Variants in REDIC1 observed in about 807,000 individuals in gnomAD.
The protein encoded by REDIC1 is HEI10 Interacting Protein 1.
chr12:39,643,517 A>C, the REDIC1 span, among the ~76,000 whole-genome samples: 11 of 151,650 alleles, frequency 7.3e-5, no homozygotes, highest in Non-Finnish European at 1.2e-4. Flanking sequence ...ATAATTTCTA[A>C]TCTTTTGATT....
chr12:39,785,259 G>A, the REDIC1 span, among the ~76,000 whole-genome samples: 535 of 152,262 alleles, frequency 3.5e-3, 4 homozygotes, highest in African/African-American at 0.012. Context: ...GCAGCCTAGA[G>A]ACTTGGTGCC....
the REDIC1 span, among the ~76,000 whole-genome samples, chr12:39,815,308 T>C: frequency 2.0e-5 from 3 of 152,190 alleles, no homozygotes; most frequent in Non-Finnish European, 4.4e-5. Flanking sequence ...CTGTACTGGA[T>C]ATGGTGATGG....
At chr12:39,640,669 A>AT in the REDIC1 span, among the ~76,000 whole-genome samples, 45 of 150,280 alleles carry the variant, frequency 3.0e-4, no homozygotes, top group Admixed American at 1.3e-3. Flanking sequence ...TTTCCAATGC[A>AT]TTTTTTTTTG....
At chr12:39,671,743 G>A in the REDIC1 span, among the ~76,000 whole-genome samples, 1 of 152,134 alleles carries the variant, frequency 6.6e-6, no homozygotes, top group Non-Finnish European at 1.5e-5. Flanking sequence ...AGTGGTGGTA[G>A]CAGCAGGCTG....
the REDIC1 span, among the ~76,000 whole-genome samples, chr12:39,691,854 T>C: frequency 2.6e-5 from 4 of 152,172 alleles, no homozygotes; most frequent in Non-Finnish European, 4.4e-5. Flanking sequence ...GCTTGTTGTT[T>C]TTTAACGAAT....
At chr12:39,860,453 A>T in the REDIC1 span, among the ~76,000 whole-genome samples, 14 of 152,190 alleles carry the variant, frequency 9.2e-5, no homozygotes, top group Non-Finnish European at 1.6e-4. Flanking sequence ...ATGTCTATGG[A>T]CTTAATTATC....
At chr12:39,694,544 A>G in the REDIC1 span, among the ~76,000 whole-genome samples, 1 of 152,194 alleles carries the variant, frequency 6.6e-6, no homozygotes, top group Non-Finnish European at 1.5e-5. Context: ...TGGAGGGAAT[A>G]TTTAAACCAG....
At chr12:39,736,671 G>C in the REDIC1 span, 1 of 152,220 alleles carries the variant, frequency 6.6e-6, no homozygotes, top group Non-Finnish European at 1.5e-5. Flanking sequence ...GTCGTAAAAG[G>C]TGATAGAATT....
At chr12:39,859,435 T>C in the REDIC1 span, among the ~76,000 whole-genome samples, 1 of 150,472 alleles carries the variant, frequency 6.6e-6, no homozygotes, top group Non-Finnish European at 1.5e-5. Flanking sequence ...GCCACTGTCC[T>C]GGTGAGGCTG....
At chr12:39,703,489 C>G in the REDIC1 span, among the ~76,000 whole-genome samples, 2 of 150,832 alleles carry the variant, frequency 1.3e-5, no homozygotes, top group Middle Eastern at 3.4e-3. Flanking sequence ...GAATCAATAT[C>G]GTGAAAATGG....
chr12:39,787,733 G>A, the REDIC1 span, among the ~76,000 whole-genome samples: 1 of 152,124 alleles, frequency 6.6e-6, no homozygotes, highest in African/African-American at 2.4e-5. Flanking sequence ...GACAAGATAA[G>A]GTGTCTGTTA....
At chr12:39,666,823 T>A in the REDIC1 span, among the ~76,000 whole-genome samples, 319 of 152,210 alleles carry the variant, frequency 2.1e-3, 1 homozygote, top group Non-Finnish European at 7.8e-4. Flanking sequence ...GAATTTATCC[T>A]TTTCTTCTAG....
At chr12:39,626,331 G>A in the REDIC1 span, 9 of 1,614,122 alleles carry the variant, frequency 5.6e-6, no homozygotes, top group Non-Finnish European at 6.8e-6. Flanking sequence ...CAAAAGATTT[G>A]GGAAGATGAA....
At chr12:39,839,047 G>C in the REDIC1 span, among the ~76,000 whole-genome samples, 2 of 152,032 alleles carry the variant, frequency 1.3e-5, no homozygotes, top group African/African-American at 4.8e-5. Context: ...CTTTATGCAT[G>C]AATTGACACC....
chr12:39,760,239 G>A, the REDIC1 span: 6 of 1,611,872 alleles, frequency 3.7e-6, no homozygotes, highest in South Asian at 4.4e-5. Flanking sequence ...ATCCAGCATA[G>A]AGGAAGAAAG....
chr12:39,826,936 C>T, the REDIC1 span, among the ~76,000 whole-genome samples: 2 of 129,460 alleles, frequency 1.5e-5, no homozygotes, highest in Admixed American at 2.0e-4. Context: ...TCCTTGCCTC[C>T]AATAATTGGT....
chr12:39,765,186 G>A, the REDIC1 span, among the ~76,000 whole-genome samples: 1 of 151,980 alleles, frequency 6.6e-6, no homozygotes, highest in Admixed American at 6.6e-5. Flanking sequence ...AAAAGACCAT[G>A]GCATTTGCAA....
the REDIC1 span, among the ~76,000 whole-genome samples, chr12:39,889,772 T>C: frequency 9.9e-5 from 15 of 152,202 alleles, no homozygotes; most frequent in East Asian, 2.7e-3. Flanking sequence ...CCTCGTGATC[T>C]GCCCGCCTTG....
At chr12:39,749,607 G>T in the REDIC1 span, among the ~76,000 whole-genome samples, 1 of 152,104 alleles carries the variant, frequency 6.6e-6, no homozygotes, top group Non-Finnish European at 1.5e-5. Context: ...GCCTGGCAGA[G>T]ACACAACATA....
Sources: gnomAD v4.1 joint callset for allele counts (sites outside exome capture counted in the v4.1 genomes callset) on GRCh38, gnomAD v4.1.1 for gene constraint, MANE v1.5 for transcripts, NCBI Gene and HGNC (gene_info 2026-07-23, HGNC 2026-07-21) for gene names.